Variants in TMCO6 observed in about 807,000 individuals in gnomAD.
TMCO6 encodes transmembrane and coiled-coil domain-containing protein 6.
Under a neutral mutation model 61.8 loss-of-function variants are expected in TMCO6, and 47 were observed. That is an observed-to-expected ratio of 0.76 (90% CI 0.60 to 0.97). The LOEUF (loss-of-function observed/expected upper bound fraction) is 0.97, where lower values mean the gene tolerates loss of function less well. TMCO6 is among the 50% of genes least tolerant of loss of function. TMCO6 has a pLI of 0.00. For synonymous variants in TMCO6, 261 were observed against 254.2 expected, an observed-to-expected ratio of 1.03 and a Z score of -0.25; for missense variants, 557 against 601.6, an observed-to-expected ratio of 0.93 and a Z score of 0.78.
At chr5:140,608,311 G>A in the TMCO6 span, among the ~76,000 whole-genome samples, 1 of 152,134 alleles carries the variant, frequency 6.6e-6, no homozygotes, top group Non-Finnish European at 1.5e-5. Flanking sequence ...TTGGAGAAAT[G>A]GCTATTCAAG....
chr5:140,596,762 A>G, the TMCO6 span, among the ~76,000 whole-genome samples: 4 of 152,142 alleles, frequency 2.6e-5, no homozygotes, highest in African/African-American at 9.7e-5. Context: ...GCTGCTATCC[A>G]GGGTCCCTCA....
At chr5:140,644,431 G>T in intron 10 of TMCO6, 142 bp from the exon 11 acceptor site, 1 of 1,017,882 alleles carries the variant, frequency 9.8e-7, no homozygotes, top group East Asian at 2.4e-5. Flanking sequence ...TGCATCATAG[G>T]GTAGTTGTAG....
the TMCO6 span, among the ~76,000 whole-genome samples, chr5:140,627,123 A>T: frequency 6.6e-6 from 1 of 151,728 alleles, no homozygotes; most frequent in East Asian, 1.9e-4. Context: ...AAACACATTC[A>T]CTTTCCTTAC....
At chr5:140,628,073 A>G in the TMCO6 span, among the ~76,000 whole-genome samples, 1 of 150,568 alleles carries the variant, frequency 6.6e-6, no homozygotes, top group Admixed American at 6.6e-5. Context: ...CAGTGGCGCA[A>G]CCTCGGCTCA....
chr5:140,643,759 C>T (rs754763209), intron 8 of TMCO6, 21 bp from the exon 9 acceptor site: 19 of 1,611,210 alleles, frequency 1.2e-5, no homozygotes, highest in Non-Finnish European at 1.5e-5. Context: ...TTACACCTGA[C>T]CCCCCAATTT....
the TMCO6 span, among the ~76,000 whole-genome samples, chr5:140,628,186 T>A: frequency 1.3e-5 from 2 of 151,360 alleles, no homozygotes; most frequent in African/African-American, 4.9e-5. Context: ...ATATATATAT[T>A]TTTTCCCATT....
At chr5:140,635,487 C>T (rs1228037974), upstream of TMCO6, among the ~76,000 whole-genome samples, 1 of 152,212 alleles carries the variant, frequency 6.6e-6, no homozygotes, top group Admixed American at 6.5e-5. Flanking sequence ...TGAAGTCTGA[C>T]ACCTCATCAT....
chr5:140,602,588 A>G, the TMCO6 span, among the ~76,000 whole-genome samples: 1 of 151,418 alleles, frequency 6.6e-6, no homozygotes, highest in African/African-American at 2.4e-5. Context: ...ACATAGCCAA[A>G]CCCCATCTCT....
the TMCO6 span, among the ~76,000 whole-genome samples, chr5:140,600,182 T>C: frequency 1.3e-5 from 2 of 152,320 alleles, no homozygotes; most frequent in Admixed American, 1.3e-4. Context: ...CTTTCAGTTA[T>C]AGTGGAAGTT....
the TMCO6 span, among the ~76,000 whole-genome samples, chr5:140,613,419 GT>G: frequency 2.9e-5 from 4 of 137,746 alleles, no homozygotes; most frequent in African/African-American, 1.3e-4. Flanking sequence ...AAAAAAAATG[GT>G]GGCAGGAGTA....
chr5:140,631,981 C>T, the TMCO6 span: 2 of 1,613,942 alleles, frequency 1.2e-6, no homozygotes, highest in East Asian at 2.2e-5. Flanking sequence ...AGGGCAGTTC[C>T]AGGGACCAGG....
At chr5:140,605,363 G>A in the TMCO6 span, among the ~76,000 whole-genome samples, 28 of 152,002 alleles carry the variant, frequency 1.8e-4, no homozygotes, top group African/African-American at 6.0e-4. Context: ...CTTCTGGTAC[G>A]GTAGTAAATA....
At chr5:140,632,342 C>A in the TMCO6 span, 1 of 1,614,076 alleles carries the variant, frequency 6.2e-7, no homozygotes, top group Non-Finnish European at 8.5e-7. The surrounding 1 kb of genome is among the most constrained non-coding windows in gnomAD (Gnocchi z 6.2). Context: ...GACAGAGAGC[C>A]GCCATCAGTC....
At chr5:140,605,146 TG>T in the TMCO6 span, among the ~76,000 whole-genome samples, 4 of 152,232 alleles carry the variant, frequency 2.6e-5, no homozygotes, top group African/African-American at 9.6e-5. Flanking sequence ...GATTTTAAAT[TG>T]CTATTGCATA....
the TMCO6 span, among the ~76,000 whole-genome samples, chr5:140,618,652 TCCCCACTCAAGTAGA>T: frequency 6.6e-6 from 1 of 151,988 alleles, no homozygotes; most frequent in South Asian, 2.1e-4. Flanking sequence ...TCTTCCACCC[TCCCCACTCAAGTAGA>T]CCCCAGTGTC....
the TMCO6 span, chr5:140,632,925 G>C: frequency 1.9e-6 from 3 of 1,614,136 alleles, no homozygotes; most frequent in Non-Finnish European, 2.5e-6. The surrounding 1 kb of genome is among the most constrained non-coding windows in gnomAD (Gnocchi z 6.2). Context: ...TTCTGGCGTG[G>C]TCGCAGAGAC....
rs796837618 is a variant in TMCO6 at position 140,643,518 on chromosome 5, T to C, written c.807-46T>C. ...AGGCAACTGCTTCTCTTCTTAAAGGTGGAATTGACTATATACCTAGGGACT... is the reference window on the plus strand; with the variant it reads ...AGGCAACTGCTTCTCTTCTTAAAGGCGGAATTGACTATATACCTAGGGACT... On this transcript the variant is annotated intron_variant, in intron 7 of 11. Coordinates refer to ENST00000394671, the MANE Select transcript of TMCO6 (RefSeq NM_018502.5). 4 of 1,554,454 alleles carry C rather than the reference T, an allele frequency of 2.6e-6. No homozygotes were observed. In the African/African-American group the frequency reaches 5.4e-5, roughly 21 times the overall value.
chr5:140,628,718 G>T, the TMCO6 span, among the ~76,000 whole-genome samples: 1 of 152,160 alleles, frequency 6.6e-6, no homozygotes, highest in African/African-American at 2.4e-5. Context: ...GAGATTACAG[G>T]CATGAGCCAC....
upstream of TMCO6, among the ~76,000 whole-genome samples, chr5:140,638,282 C>T (rs1468613299): frequency 6.6e-6 from 1 of 151,822 alleles, no homozygotes; most frequent in African/African-American, 2.4e-5. Context: ...AATGTGGGCA[C>T]GTAAAAGAAA....
Sources: allele counts gnomAD v4.1 joint callset (sites outside exome capture counted in the v4.1 genomes callset), GRCh38; gene constraint gnomAD v4.1.1; non-coding constraint Gnocchi (gnomAD v3.1); transcripts MANE v1.5; gene names NCBI Gene and HGNC (gene_info 2026-07-23, HGNC 2026-07-21).